Variants in ST6GALNAC6 observed in about 807,000 individuals in gnomAD.
ST6GALNAC6 encodes alpha-N-acetylgalactosaminide alpha-2,6-sialyltransferase 6.
Under a neutral mutation model 34.3 loss-of-function variants are expected in ST6GALNAC6, and 19 were observed. The ratio of observed to expected loss-of-function variants is 0.55; its 90% CI spans 0.39 to 0.81. The LOEUF (loss-of-function observed/expected upper bound fraction) is 0.81, where lower values mean the gene tolerates loss of function less well. Ranked by LOEUF, ST6GALNAC6 falls within the 40% of genes least tolerant of loss-of-function variation. The probability of loss-of-function intolerance (pLI) is 0.00; values close to 1 mark genes in which losing one functional copy is unlikely to be tolerated. For synonymous variants in ST6GALNAC6, 185 were observed against 182.1 expected (o/e 1.02, Z -0.13); for missense variants, 377 against 467.7 (o/e 0.81, Z 1.79).
chr9:127,891,035 G>A lies in ST6GALNAC6; in HGVS notation c.306C>T (p.Pro102=), dbSNP rs1353519458. Residue 102 remains proline, a synonymous_variant, in exon 5 of 7, where the codon CCC becomes CCT. Transcript: ENST00000373146. ...YVPILGNKTL[P]SRCHQCVIVS... is the part of the protein sequence containing the mutation. ...CAATCACACACTGGTGGCACCGAGA[G>A]GGCAGTGTCTGGTGGATAAGGAAAG... 2.5e-6 allele frequency: 4 copies of A among 1,613,836 alleles called. No individual in the cohort carries two copies. Among genetic ancestry groups the A allele is most frequent in the Admixed American group, 1.7e-5 (1 of 60,010 alleles).
At chr9:127,904,155 G>C (rs1380659815), upstream of ST6GALNAC6, 2 of 152,258 alleles carry the variant, frequency 1.3e-5, no homozygotes, top group Non-Finnish European at 2.9e-5. Flanking sequence ...CTATGAGTTG[G>C]GTACTGCGGT....
upstream of ST6GALNAC6, chr9:127,905,543 C>A (rs1453594098): frequency 1.7e-5 from 11 of 628,754 alleles, no homozygotes; most frequent in Non-Finnish European, 2.0e-5. Context: ...CAAATCCCAT[C>A]AGAACCAGTG....
At chr9:127,898,973 G>A (rs1292666214) in intron 1 of ST6GALNAC6, among the ~76,000 whole-genome samples, 2 of 152,240 alleles carry the variant, frequency 1.3e-5, no homozygotes, top group Non-Finnish European at 2.9e-5. Flanking sequence ...GGCGAGCTGA[G>A]CGGGAGCCGA....
rs759270016 is a variant in ST6GALNAC6, at chr9:127,896,235, GACTT to G, written c.117+3_117+6del. On this transcript the variant is annotated splice_donor_5th_base_variant and intron_variant, in intron 3 of 6. Transcript: ENST00000373146. The stretch of plus-strand genomic sequence containing the variant: ...TCAATGGGGTTAAGAAATGAAGGCA[GACTT>G]ACTTTGTTGCTACTCATTTCTCTCC... 5.6e-6 allele frequency: 9 copies of G among 1,613,930 alleles called. No homozygotes were observed. The Admixed American group carries it at 1.2e-4, about 21-fold the overall frequency.
chr9:127,894,118 A>ACTGGTG (rs1175176853), intron 4 of ST6GALNAC6, among the ~76,000 whole-genome samples: 2 of 152,198 alleles, frequency 1.3e-5, no homozygotes, highest in Non-Finnish European at 2.9e-5. Flanking sequence ...TCTGAGGATT[A>ACTGGTG]CTGGTGATCA....
intron 5 of ST6GALNAC6, among the ~76,000 whole-genome samples, chr9:127,888,725 G>C (rs1189074667): frequency 6.6e-6 from 1 of 152,170 alleles, no homozygotes; most frequent in Non-Finnish European, 1.5e-5. Flanking sequence ...AGAATCGCTT[G>C]AACTTGGGAG....
chr9:127,894,749 C>A, intron 3 of ST6GALNAC6, 58 bp from the exon 4 acceptor site: 1 of 1,573,432 alleles, frequency 6.4e-7, no homozygotes, highest in Non-Finnish European at 8.7e-7. Flanking sequence ...GCGCCCCCAC[C>A]TCCTTGCCAC....
intron 4 of ST6GALNAC6, among the ~76,000 whole-genome samples, chr9:127,893,575 G>A (rs1301004779): frequency 2.0e-5 from 3 of 152,134 alleles, no homozygotes; most frequent in Admixed American, 1.3e-4. Flanking sequence ...CACGTACCTC[G>A]ACTGGCACTC....
At chr9:127,892,235 T>C (rs1830190438) in intron 4 of ST6GALNAC6, among the ~76,000 whole-genome samples, 1 of 152,232 alleles carries the variant, frequency 6.6e-6, no homozygotes, top group African/African-American at 2.4e-5. Flanking sequence ...CCTCACAGTC[T>C]AACCACCCTT....
chr9:127,889,072 G>C (rs968895807), intron 5 of ST6GALNAC6, among the ~76,000 whole-genome samples: 4 of 152,190 alleles, frequency 2.6e-5, no homozygotes, highest in African/African-American at 9.6e-5. Context: ...GAACAGGCTG[G>C]GCACGGTGGC....
chr9:127,903,733 G>A (rs561683069), upstream of ST6GALNAC6: 1 of 152,230 alleles, frequency 6.6e-6, no homozygotes, highest in African/African-American at 2.4e-5. Flanking sequence ...ACCATGGAGT[G>A]GGGGCAGGGC....
At chr9:127,902,381 G>A (rs966310523), upstream of ST6GALNAC6, among the ~76,000 whole-genome samples, 2 of 151,846 alleles carry the variant, frequency 1.3e-5, no homozygotes, top group East Asian at 1.9e-4. Flanking sequence ...GGCTGGTCTC[G>A]AACTCTCGAC....
chr9:127,901,660 G>A (rs1295601652), upstream of ST6GALNAC6, among the ~76,000 whole-genome samples: 2 of 151,306 alleles, frequency 1.3e-5, no homozygotes, highest in African/African-American at 2.4e-5. Context: ...GACCGGGTGC[G>A]GTGGCTCAGC....
upstream of ST6GALNAC6, among the ~76,000 whole-genome samples, chr9:127,901,075 C>T (rs1033606899): frequency 2.7e-5 from 4 of 150,662 alleles, no homozygotes; most frequent in Non-Finnish European, 5.9e-5. Flanking sequence ...GTACACATGC[C>T]CTGGAGAAAT....
upstream of ST6GALNAC6, among the ~76,000 whole-genome samples, chr9:127,902,560 G>A (rs1830794417): frequency 6.9e-6 from 1 of 145,050 alleles, no homozygotes; most frequent in African/African-American, 2.7e-5. Flanking sequence ...TTAAGATAAT[G>A]GTCACATTAT....
exon 1 of ST6GALNAC6, chr9:127,905,276 CA>C: frequency 1.0e-6 from 1 of 985,594 alleles, no homozygotes; most frequent in Non-Finnish European, 1.2e-6. Flanking sequence ...AGACAGCCTT[CA>C]GTAGACCCCG....
chr9:127,892,033 C>A (rs780442675), intron 4 of ST6GALNAC6, among the ~76,000 whole-genome samples: 1 of 152,280 alleles, frequency 6.6e-6, no homozygotes, highest in East Asian at 1.9e-4. Context: ...TGCCTGTAAT[C>A]CCAGTTACTC....
At chr9:127,889,414 A>G (rs1033713261) in intron 5 of ST6GALNAC6, among the ~76,000 whole-genome samples, 7 of 149,412 alleles carry the variant, frequency 4.7e-5, no homozygotes, top group Admixed American at 1.4e-4. Context: ...ATACAGGATC[A>G]ACACACAAAA....
exon 1 of ST6GALNAC6, chr9:127,905,291 C>T: frequency 5.1e-6 from 5 of 985,590 alleles, no homozygotes; most frequent in Non-Finnish European, 6.0e-6. Flanking sequence ...GACCCCGAAC[C>T]AGCCACCAGA....
Sources: gnomAD v4.1 joint callset for allele counts (sites outside exome capture counted in the v4.1 genomes callset) on GRCh38, gnomAD v4.1.1 for gene constraint, MANE v1.5 for transcripts, NCBI Gene and HGNC (gene_info 2026-07-23, HGNC 2026-07-21) for gene names.